GTF2E2: variants seen among roughly 807,000 people sequenced by gnomAD.
GTF2E2 encodes transcription initiation factor IIE subunit beta.
GTF2E2 carries 21 observed loss-of-function variants against 40.5 expected under a neutral mutation model. The observed-to-expected ratio is 0.52, with a 90% CI of 0.37 to 0.75. The LOEUF is 0.75. Ranked by LOEUF, GTF2E2 falls within the 30% of genes least tolerant of loss-of-function variation. GTF2E2 has a pLI of 0.00. For synonymous variants in GTF2E2, 117 were observed against 121.6 expected, an observed-to-expected ratio of 0.96 and a Z score of 0.25; for missense variants, 298 against 338.4, an observed-to-expected ratio of 0.88 and a Z score of 0.94.
At chr8:30,596,007 G>C (rs1421088101) in intron 6 of GTF2E2, among the ~76,000 whole-genome samples, 3 of 152,166 alleles carry the variant, frequency 2.0e-5, no homozygotes, top group African/African-American at 4.8e-5. Context: ...GTTCTAATAA[G>C]AACTCTGCAT....
chr8:30,655,076 G>A (rs142119686), intron 1 of GTF2E2, among the ~76,000 whole-genome samples: 6 of 151,940 alleles, frequency 3.9e-5, no homozygotes, highest in Admixed American at 1.3e-4. Flanking sequence ...TGACACATAC[G>A]TGTAGTCCGG....
At chr8:30,610,826 A>C (rs1353013647) in intron 5 of GTF2E2, among the ~76,000 whole-genome samples, 1 of 152,216 alleles carries the variant, frequency 6.6e-6, no homozygotes, top group East Asian at 1.9e-4. Context: ...AATAGACAAG[A>C]GTGCAGCAAA....
intron 1 of GTF2E2, among the ~76,000 whole-genome samples, chr8:30,656,646 A>G (rs1287927291): frequency 1.3e-5 from 2 of 152,076 alleles, no homozygotes; most frequent in Admixed American, 1.3e-4. Flanking sequence ...GTCTCCATTA[A>G]AAATTTAAAA....
At chr8:30,638,419 T>C (rs1801684608) in intron 2 of GTF2E2, among the ~76,000 whole-genome samples, 1 of 152,104 alleles carries the variant, frequency 6.6e-6, no homozygotes, top group African/African-American at 2.4e-5. Flanking sequence ...AACAAAAAAA[T>C]AAAGGAGAAG....
intron 6 of GTF2E2, among the ~76,000 whole-genome samples, chr8:30,584,216 A>T (rs112474979): frequency 8.0e-4 from 115 of 143,918 alleles, no homozygotes; most frequent in African/African-American, 2.8e-3. Context: ...TTTTTCCTCC[A>T]GTTTTTCTTC....
intron 2 of GTF2E2, 55 bp from the exon 3 acceptor site, chr8:30,635,178 A>G: frequency 2.1e-6 from 2 of 954,722 alleles, no homozygotes; most frequent in Non-Finnish European, 3.3e-6. Flanking sequence ...ATGACTCTTG[A>G]GCAGCTAAAA....
chr8:30,608,253 C>A (rs1327351653), intron 5 of GTF2E2, among the ~76,000 whole-genome samples: 2 of 152,174 alleles, frequency 1.3e-5, no homozygotes, highest in Non-Finnish European at 2.9e-5. Context: ...TGAAGATTCT[C>A]AAGCTTAAGA....
chr8:30,579,104 C>A, intron 7 of GTF2E2, 67 bp from the exon 8 acceptor site: 1 of 853,778 alleles, frequency 1.2e-6, no homozygotes, highest in South Asian at 1.3e-5. Flanking sequence ...CCAGGATGTT[C>A]TGAGCATGCC....
At chr8:30,594,548 G>C (rs540905377) in intron 6 of GTF2E2, among the ~76,000 whole-genome samples, 1 of 147,282 alleles carries the variant, frequency 6.8e-6, no homozygotes, top group East Asian at 2.0e-4. Flanking sequence ...TGCAGGAATG[G>C]ATCTTTAAAA....
At chr8:30,650,132 C>T (rs777609132) in intron 2 of GTF2E2, among the ~76,000 whole-genome samples, 9 of 152,064 alleles carry the variant, frequency 5.9e-5, no homozygotes, top group Non-Finnish European at 1.2e-4. Flanking sequence ...CAGAGAAAAA[C>T]GAAACTACAT....
chr8:30,619,772 T>C (rs1464441866), intron 3 of GTF2E2, among the ~76,000 whole-genome samples: 3 of 151,984 alleles, frequency 2.0e-5, no homozygotes, highest in Admixed American at 1.3e-4. Context: ...CTAACAATGA[T>C]TTATAGCCGC....
chr8:30,579,980 A>C (rs1278600507), intron 7 of GTF2E2, among the ~76,000 whole-genome samples: 1 of 152,162 alleles, frequency 6.6e-6, no homozygotes, highest in Non-Finnish European at 1.5e-5. Flanking sequence ...GAATAGGGAG[A>C]AGGGCTTGTA....
chr8:30,657,338 G>A (rs1802479234), intron 1 of GTF2E2, among the ~76,000 whole-genome samples: 1 of 152,082 alleles, frequency 6.6e-6, no homozygotes, highest in African/African-American at 2.4e-5. Flanking sequence ...ACTGAAATCT[G>A]CCTCCAAGCC....
chr8:30,580,983 C>A (rs1246625403), intron 6 of GTF2E2, among the ~76,000 whole-genome samples: 1 of 152,216 alleles, frequency 6.6e-6, no homozygotes, highest in East Asian at 1.9e-4. Context: ...GTCCTGCCTG[C>A]AGCTTGTCTT....
chr8:30,642,735 T>C (rs990621325), intron 2 of GTF2E2, among the ~76,000 whole-genome samples: 1 of 152,214 alleles, frequency 6.6e-6, no homozygotes, highest in African/African-American at 2.4e-5. Context: ...CCTAAATATC[T>C]TTCCTAAAAC....
intron 2 of GTF2E2, 152 bp from the exon 3 acceptor site, chr8:30,635,275 T>G: frequency 1.9e-6 from 1 of 526,194 alleles, no homozygotes. Context: ...ACACAATCTT[T>G]GAGTATATAC....
At chr8:30,582,572 C>T (rs1303748425) in intron 6 of GTF2E2, among the ~76,000 whole-genome samples, 1 of 152,186 alleles carries the variant, frequency 6.6e-6, no homozygotes, top group Non-Finnish European at 1.5e-5. Context: ...TTTCTTGGCC[C>T]AGGATCCTGC....
chr8:30,623,493 T>C (rs1457061546), intron 3 of GTF2E2, among the ~76,000 whole-genome samples: 1 of 152,172 alleles, frequency 6.6e-6, no homozygotes, highest in Non-Finnish European at 1.5e-5. Flanking sequence ...CATGTCTCTT[T>C]ACAGCAGCAT....
intron 2 of GTF2E2, among the ~76,000 whole-genome samples, chr8:30,646,411 GC>G (rs1483798868): frequency 6.6e-6 from 1 of 151,734 alleles, no homozygotes; most frequent in African/African-American, 2.4e-5. Flanking sequence ...TTGAAATATG[GC>G]AGTTTTATTT....
Sources: allele counts gnomAD v4.1 joint callset (sites outside exome capture counted in the v4.1 genomes callset), GRCh38; gene constraint gnomAD v4.1.1; transcripts MANE v1.5; gene names NCBI Gene and HGNC (gene_info 2026-07-23, HGNC 2026-07-21).